The following GPC5 variants were observed in gnomAD, a reference collection of about 807,000 sequenced individuals.
GPC5 encodes glypican 5, also known as glypican-5.
GPC5 carries 47 observed loss-of-function variants against 53.9 expected under a neutral mutation model. The ratio of observed to expected loss-of-function variants is 0.87; its 90% CI spans 0.69 to 1.11. The LOEUF is 1.11. GPC5 is among the 50% of genes most tolerant of loss of function. GPC5 has a pLI of 0.00. For synonymous variants in GPC5, 286 were observed against 263.3 expected, an observed-to-expected ratio of 1.09 and a Z score of -0.84; for missense variants, 748 against 713.1, an observed-to-expected ratio of 1.05 and a Z score of -0.56.
intron 7 of GPC5, among the ~76,000 whole-genome samples, chr13:92,391,408 C>G (rs1224919899): frequency 6.6e-6 from 1 of 152,066 alleles, no homozygotes; most frequent in Non-Finnish European, 1.5e-5. Flanking sequence ...AAATTTCACA[C>G]AGTAATTTGC....
intron 6 of GPC5, among the ~76,000 whole-genome samples, chr13:92,118,687 T>C (rs1056696051): frequency 6.6e-6 from 1 of 152,200 alleles, no homozygotes; most frequent in African/African-American, 2.4e-5. Flanking sequence ...CAGATCACTA[T>C]TGGTATTTTG....
chr13:92,444,046 T>A (rs1877691553), intron 7 of GPC5, among the ~76,000 whole-genome samples: 1 of 152,088 alleles, frequency 6.6e-6, no homozygotes, highest in South Asian at 2.1e-4. Flanking sequence ...AAAAAAAGAC[T>A]TGAAGGTAAT....
chr13:92,859,556 T>G (rs925702963), intron 7 of GPC5, among the ~76,000 whole-genome samples: 1 of 152,210 alleles, frequency 6.6e-6, no homozygotes, highest in Non-Finnish European at 1.5e-5. Flanking sequence ...TTATACTTTT[T>G]AAAAATAATT....
intron 7 of GPC5, among the ~76,000 whole-genome samples, chr13:92,828,844 G>A (rs2138818577): frequency 6.6e-6 from 1 of 152,200 alleles, no homozygotes; most frequent in East Asian, 1.9e-4. Flanking sequence ...CAAAAGATAG[G>A]AGGTTAGAAG....
At chr13:91,519,241 C>A (rs1290576023) in intron 2 of GPC5, among the ~76,000 whole-genome samples, 1 of 152,134 alleles carries the variant, frequency 6.6e-6, no homozygotes, top group Non-Finnish European at 1.5e-5. Context: ...ATCCCTGCAC[C>A]AGTGGGAAGT....
chr13:92,613,454 A>C (rs1884548433), intron 7 of GPC5, among the ~76,000 whole-genome samples: 1 of 105,548 alleles, frequency 9.5e-6, no homozygotes, highest in African/African-American at 3.9e-5. Context: ...ATATATTTAT[A>C]TATAAATATG....
At chr13:92,464,169 C>A (rs763298846) in intron 7 of GPC5, among the ~76,000 whole-genome samples, 1 of 152,130 alleles carries the variant, frequency 6.6e-6, no homozygotes, top group Non-Finnish European at 1.5e-5. Context: ...GAGACCAGGA[C>A]ATTTCTATTA....
intron 2 of GPC5, among the ~76,000 whole-genome samples, chr13:91,502,466 T>G (rs1370544989): frequency 6.6e-6 from 1 of 152,158 alleles, no homozygotes. Context: ...TGAACAGCAC[T>G]GGAGGGAGGG....
At chr13:92,422,271 C>T (rs1400508507) in intron 7 of GPC5, among the ~76,000 whole-genome samples, 2 of 152,032 alleles carry the variant, frequency 1.3e-5, no homozygotes, top group Admixed American at 6.6e-5. Context: ...AAATGTCTCC[C>T]TCTTTGCTCC....
intron 5 of GPC5, among the ~76,000 whole-genome samples, chr13:91,894,374 A>T (rs376472565): frequency 1.3e-5 from 2 of 152,178 alleles, no homozygotes; most frequent in Non-Finnish European, 2.9e-5. Context: ...GAGAACTTTG[A>T]AGGTTCTACA....
At chr13:92,540,308 T>G (rs932869337) in intron 7 of GPC5, among the ~76,000 whole-genome samples, 2 of 151,978 alleles carry the variant, frequency 1.3e-5, no homozygotes, top group African/African-American at 4.8e-5. Context: ...GCTATGTAGC[T>G]TCCTAGCTGC....
chr13:91,793,496 A>G (rs2038001102), intron 5 of GPC5, among the ~76,000 whole-genome samples: 1 of 152,198 alleles, frequency 6.6e-6, no homozygotes, highest in African/African-American at 2.4e-5. Context: ...TTCACATTAT[A>G]GAAACTCTTT....
intron 7 of GPC5, chr13:92,484,599 C>T (rs1879484851): frequency 6.6e-6 from 1 of 152,136 alleles, no homozygotes; most frequent in Non-Finnish European, 1.5e-5. Context: ...CTTTCACCTC[C>T]CTTGTTGACT....
intron 7 of GPC5, among the ~76,000 whole-genome samples, chr13:92,535,897 A>G (rs553743940): frequency 6.6e-6 from 1 of 152,272 alleles, no homozygotes; most frequent in African/African-American, 2.4e-5. Flanking sequence ...TAGTGTGAGC[A>G]TTGATAATCA....
At chr13:92,354,940 G>A (rs2043509725) in intron 7 of GPC5, among the ~76,000 whole-genome samples, 1 of 151,778 alleles carries the variant, frequency 6.6e-6, no homozygotes, top group Non-Finnish European at 1.5e-5. Flanking sequence ...ACCTCCTTGA[G>A]GAGCAATTAA....
chr13:91,622,474 C>A (rs181271154), intron 2 of GPC5, among the ~76,000 whole-genome samples: 1 of 151,780 alleles, frequency 6.6e-6, no homozygotes, highest in Non-Finnish European at 1.5e-5. Flanking sequence ...TTTGTTAGGA[C>A]GTTGTGGTTT....
intron 7 of GPC5, among the ~76,000 whole-genome samples, chr13:92,435,600 A>G (rs2139379350): frequency 6.6e-6 from 1 of 152,334 alleles, no homozygotes; most frequent in Admixed American, 6.5e-5. Flanking sequence ...GAAATGTCTG[A>G]AAAGAGAACT....
chr13:92,402,090 C>G (rs748446399), intron 7 of GPC5, among the ~76,000 whole-genome samples: 1 of 152,026 alleles, frequency 6.6e-6, no homozygotes, highest in Non-Finnish European at 1.5e-5. Context: ...AATTACACCC[C>G]GCTTCTACTT....
At chr13:91,814,445 A>G (rs1272023431) in intron 5 of GPC5, among the ~76,000 whole-genome samples, 2 of 152,152 alleles carry the variant, frequency 1.3e-5, no homozygotes, top group Non-Finnish European at 2.9e-5. Context: ...AATATTCGGT[A>G]TTTTTACAAG....
Sources: gnomAD v4.1 joint callset for allele counts (sites outside exome capture counted in the v4.1 genomes callset) on GRCh38, gnomAD v4.1.1 for gene constraint, MANE v1.5 for transcripts, NCBI Gene and HGNC (gene_info 2026-07-23, HGNC 2026-07-21) for gene names.